Variants in DEGS1 observed in about 807,000 individuals in gnomAD.
The protein encoded by DEGS1 is sphingolipid delta(4)-desaturase DES1.
DEGS1 carries 17 observed loss-of-function variants against 24.1 expected under a neutral mutation model. The ratio of observed to expected loss-of-function variants is 0.70; its 90% CI spans 0.48 to 1.06. DEGS1 has a LOEUF of 1.06. Among genes scored for constraint, DEGS1 ranks in the 50% least tolerant of loss-of-function variants. DEGS1 has a pLI of 0.00. For synonymous variants in DEGS1, 134 were observed against 140.0 expected (o/e 0.96, Z 0.30); for missense variants, 366 against 408.9 (o/e 0.90, Z 0.91).
chr1:224,192,260 CCATT>C (rs987391151), intron 2 of DEGS1, 68 bp from the exon 3 acceptor site: 9 of 1,346,120 alleles, frequency 6.7e-6, no homozygotes, highest in African/African-American at 3.0e-5. Context: ...TTTGTGTCAA[CCATT>C]CATCAGTCAT....
Position 224,189,943 on chromosome 1 carries a change from G to A in DEGS1, c.449G>A (p.Gly150Asp). ...VDVDIPTDFEGWFFCTAFRKF... is the reference protein window; with the variant it reads ...VDVDIPTDFEDWFFCTAFRKF... ...GTAGATATTCCTACCGATTTTGAGGGCTGGTTCTTCTGTACCGCTTTCAGA... is the reference window on the plus strand; with the variant it reads ...GTAGATATTCCTACCGATTTTGAGGACTGGTTCTTCTGTACCGCTTTCAGA... Residue 150 changes from glycine to aspartate, a missense_variant, in exon 2 of 3, where the codon GGC becomes GAC. Coordinates refer to ENST00000323699, the MANE Select transcript of DEGS1 (RefSeq NM_003676.4). The A allele has an allele frequency of 1.2e-6, 2 of 1,614,178 alleles. No homozygotes were observed. Among genetic ancestry groups the A allele is most frequent in the Non-Finnish European group, 8.5e-7 (1 of 1,180,030 alleles).
chr1:224,192,364 C>A lies in DEGS1; in HGVS notation c.858C>A (p.Asn286Lys). The change falls in exon 3 of 3, where the codon AAC (asparagine) becomes AAA (lysine). Residue 286 changes from asparagine (N) to lysine (K), a missense_variant. Physicochemically the swap from Asn to Lys is moderately conservative, Grantham distance 94 (BLOSUM62 0). Coordinates refer to ENST00000323699, the MANE Select transcript of DEGS1 (RefSeq NM_003676.4). The part of the protein sequence containing the change: ...VRKIAAEYYD[N>K]LPHYNSWIKV... The stretch of plus-strand genomic sequence containing the variant: ...AAATAGCAGCTGAATACTATGACAA[C>A]CTCCCTCACTACAATTCCTGGATAA... 6.2e-7 allele frequency: 1 copy of A among 1,613,288 alleles called. No individual in the cohort carries two copies. The highest frequency in any genetic ancestry group is 2.2e-5 in the East Asian group (1 of 44,840).
At chr1:224,188,676 T>G (rs1464300186) in intron 1 of DEGS1, among the ~76,000 whole-genome samples, 7 of 152,212 alleles carry the variant, frequency 4.6e-5, no homozygotes, top group Non-Finnish European at 1.0e-4. Context: ...CCTTTGCCCA[T>G]TTTTTAATTG....
At chr1:224,183,446 T>G in intron 1 of DEGS1, 28 bp downstream of exon 1, 1 of 1,330,200 alleles carries the variant, frequency 7.5e-7, no homozygotes, top group Non-Finnish European at 9.7e-7. Flanking sequence ...CCCCGTTATG[T>G]GCGTGCGTGG....
intron 1 of DEGS1, among the ~76,000 whole-genome samples, chr1:224,187,986 G>C (rs1658438452): frequency 6.6e-6 from 1 of 150,864 alleles, no homozygotes; most frequent in South Asian, 2.1e-4. Flanking sequence ...GTAGAGACAG[G>C]GTCCTGTTAT....
At chr1:224,187,946 A>G (rs1043515173) in intron 1 of DEGS1, among the ~76,000 whole-genome samples, 1 of 136,160 alleles carries the variant, frequency 7.3e-6, no homozygotes, top group African/African-American at 2.7e-5. Context: ...TTTACTTAGC[A>G]TAATATAAAT....
Position 224,193,099 on chromosome 1 carries a change from C to A in DEGS1, c.*621C>A, listed in dbSNP as rs1264681810. On this transcript the variant is annotated 3_prime_UTR_variant, in exon 3 of 3. Coordinates refer to ENST00000323699, the MANE Select transcript of DEGS1 (RefSeq NM_003676.4). Reference sequence around the variant, plus strand: ...ATATATAAAAAATAAAAAGCTATTTCTAGTTTATTTCACTATAAAGTTTTG... The same window carrying A: ...ATATATAAAAAATAAAAAGCTATTTATAGTTTATTTCACTATAAAGTTTTG... 1 of 152,004 alleles carries A rather than the reference C, an allele frequency of 6.6e-6. No individual in the cohort carries two copies. The highest frequency in any genetic ancestry group is 1.5e-5 in the Non-Finnish European group (1 of 67,968). 9.4% of individuals were successfully genotyped at this position (152,004 alleles called of 1,614,324 possible).
At position 224,183,374 on chromosome 1, in the gene DEGS1, T is replaced by G. The variant is rs1480407043; in HGVS notation, c.38T>G (p.Val13Gly). 1 of 1,456,202 alleles carries G rather than the reference T, an allele frequency of 6.9e-7. No individual in the cohort carries two copies. 90.2% of individuals were successfully genotyped at this position (1,456,202 alleles called of 1,614,324 possible). ...SRVSREDFEW[V>G]YTDQPHADRR... is the part of the protein sequence containing the mutation. ...GTCTCGCGGGAAGACTTCGAGTGGG[T>G]CTACACCGACCAGCCGCACGCCGAC... The change falls in exon 1 of 3, where the codon GTC becomes GGC. Residue 13 changes from valine to glycine, a missense_variant. Physicochemically the swap from Val to Gly is moderately radical, Grantham distance 109. Coordinates refer to ENST00000323699, the MANE Select transcript of DEGS1 (RefSeq NM_003676.4).
chr1:224,183,641 G>A (rs1658296606), intron 1 of DEGS1: 4 of 337,098 alleles, frequency 1.2e-5, no homozygotes, highest in African/African-American at 2.2e-5. Flanking sequence ...GCGCAGCTCC[G>A]ACCCTTCCGC....
At chr1:224,187,244 G>A (rs148516982) in intron 1 of DEGS1, among the ~76,000 whole-genome samples, 134 of 151,832 alleles carry the variant, frequency 8.8e-4, no homozygotes, top group Admixed American at 1.6e-3. Flanking sequence ...GGAGGCAGAG[G>A]GTGCAGTGAG....
Position 224,192,549 on chromosome 1 carries a change from C to T in DEGS1, c.*71C>T. 1.4e-6 allele frequency: 2 copies of T among 1,469,046 alleles called. No individual in the cohort carries two copies. The highest frequency in any genetic ancestry group is 1.8e-6 in the Non-Finnish European group (2 of 1,081,712). 91.0% of individuals were successfully genotyped at this position (1,469,046 alleles called of 1,614,324 possible). On this transcript the variant is annotated 3_prime_UTR_variant, in exon 3 of 3. Coordinates refer to ENST00000323699, the MANE Select transcript of DEGS1 (RefSeq NM_003676.4). ...AAAATGGAATTTTTGCATTATTAAA[C>T]TTGAGACCAGTGATGCTCAGAAGCT...
Position 224,189,716 on chromosome 1 carries a change from T to C in DEGS1, c.222T>C (p.Tyr74=), listed in dbSNP as rs1658483844. Residue 74 remains tyrosine (Y), a synonymous_variant, in exon 2 of 3, where the codon TAT becomes TAC. Transcript: ENST00000323699. ...GGAAATGGGTCATATTTGGGGCCTA[T>C]GCGTTTGGCAGTTGCATTAACCACT... ...LDWKWVIFGA[Y]AFGSCINHSM... is the part of the protein sequence containing the mutation. The C allele has an allele frequency of 6.2e-7, 1 of 1,614,246 alleles. No individual in the cohort carries two copies. The highest frequency in any genetic ancestry group is 8.5e-7 in the Non-Finnish European group (1 of 1,180,042).
At position 224,192,693 on chromosome 1, in the gene DEGS1, A is replaced by G. The variant is rs1430292616; in HGVS notation, c.*215A>G. 4.1e-6 allele frequency: 2 copies of G among 490,084 alleles called. No individual in the cohort carries two copies. Among genetic ancestry groups the G allele is most frequent in the Non-Finnish European group, 7.1e-6 (2 of 282,244 alleles). 30.4% of individuals were successfully genotyped at this position (490,084 alleles called of 1,614,324 possible). ...CTCACAGGAAACTTGTGACTTGTGTATTATCGTCATTGAGGATGTTTCACT... is the reference window on the plus strand; with the variant it reads ...CTCACAGGAAACTTGTGACTTGTGTGTTATCGTCATTGAGGATGTTTCACT... On this transcript the variant is annotated 3_prime_UTR_variant, in exon 3 of 3. Transcript: ENST00000323699.
chr1:224,186,022 T>TA (rs1658378815), intron 1 of DEGS1, among the ~76,000 whole-genome samples: 1 of 151,626 alleles, frequency 6.6e-6, no homozygotes, highest in Non-Finnish European at 1.5e-5. Context: ...CACGAGAAAT[T>TA]AAAAAATTAG....
At chr1:224,185,200 A>C (rs760611761) in intron 1 of DEGS1, among the ~76,000 whole-genome samples, 2 of 152,136 alleles carry the variant, frequency 1.3e-5, no homozygotes, top group Non-Finnish European at 2.9e-5. Context: ...CGTGTTGCCC[A>C]GGCTGGTCTT....
At chr1:224,187,721 T>C (rs1163665854) in intron 1 of DEGS1, among the ~76,000 whole-genome samples, 1 of 152,094 alleles carries the variant, frequency 6.6e-6, no homozygotes, top group African/African-American at 2.4e-5. Flanking sequence ...GTTCAGTATT[T>C]TTTAGTATAT....
rs1037582860 is a variant in DEGS1 at position 224,193,235 on chromosome 1, G to A, written c.*757G>A. On this transcript the variant is annotated 3_prime_UTR_variant, in exon 3 of 3. Transcript: ENST00000323699. ...TAATATGGTAACTTGGGTACCGGGGGAACTTTAAAATTTCATCTCAAAAAT... is the reference window on the plus strand; with the variant it reads ...TAATATGGTAACTTGGGTACCGGGGAAACTTTAAAATTTCATCTCAAAAAT... 1 of 152,012 alleles carries A rather than the reference G, an allele frequency of 6.6e-6. No homozygotes were observed. The highest frequency in any genetic ancestry group is 1.5e-5 in the Non-Finnish European group (1 of 68,012). The allele number at this position is 152,012 out of a possible 1,614,324, so 9.4% of individuals were successfully genotyped here.
chr1:224,192,455 A>G lies in DEGS1; in HGVS notation c.949A>G (p.Lys317Glu). Reference sequence around the variant, plus strand: ...CTACTCAAGAATGAAGAGGCACCAAAAAGGAGAGATGGTGCTGGAGTAAAT... The same window carrying G: ...CTACTCAAGAATGAAGAGGCACCAAGAAGGAGAGATGGTGCTGGAGTAAAT... ...SPYSRMKRHQ[K>E]GEMVLE Residue 317 changes from lysine to glutamate, a missense_variant, in exon 3 of 3, where the codon AAA becomes GAA. Coordinates refer to ENST00000323699, the MANE Select transcript of DEGS1 (RefSeq NM_003676.4). 6.2e-7 allele frequency: 1 copy of G among 1,612,116 alleles called. No individual in the cohort carries two copies. The highest frequency in any genetic ancestry group is 8.5e-7 in the Non-Finnish European group (1 of 1,179,452).
Position 224,189,754 on chromosome 1 carries a change from C to G in DEGS1, c.260C>G (p.Ala87Gly). Residue 87 changes from alanine (A) to glycine (G), a missense_variant, in exon 2 of 3, where the codon GCT becomes GGT. Coordinates refer to ENST00000323699, the MANE Select transcript of DEGS1 (RefSeq NM_003676.4). ...TGCATTAACCACTCAATGACTCTGG[C>G]TATTCATGAGATTGCCCACAATGCT... Reference protein sequence around the residue: ...GSCINHSMTLAIHEIAHNAAF... With the variant: ...GSCINHSMTLGIHEIAHNAAF... 1 of 1,614,178 alleles carries G rather than the reference C, an allele frequency of 6.2e-7. No individual in the cohort carries two copies. The highest frequency in any genetic ancestry group is 8.5e-7 in the Non-Finnish European group (1 of 1,180,024).
Sources: gnomAD v4.1 joint callset for allele counts (sites outside exome capture counted in the v4.1 genomes callset) on GRCh38, gnomAD v4.1.1 for gene constraint, MANE v1.5 for transcripts, NCBI Gene and HGNC (gene_info 2026-07-23, HGNC 2026-07-21) for gene names.